Variants in QTGAL observed in about 807,000 individuals in gnomAD.
The protein encoded by QTGAL is queuosine-tRNA galactosyltransferase.
the QTGAL span, chr17:83,014,377 G>C: frequency 6.6e-6 from 10 of 1,504,770 alleles, no homozygotes; most frequent in Non-Finnish European, 9.2e-6. Context: ...TCCACCCCTA[G>C]GAAAACTCTT....
At chr17:83,022,160 G>A in the QTGAL span, among the ~76,000 whole-genome samples, 1 of 152,212 alleles carries the variant, frequency 6.6e-6, no homozygotes, top group Non-Finnish European at 1.5e-5. Context: ...GACACAAAAA[G>A]CACAAATCTT....
chr17:82,983,596 C>T, the QTGAL span, among the ~76,000 whole-genome samples: 1 of 152,162 alleles, frequency 6.6e-6, no homozygotes. Context: ...TGGCAGGTGC[C>T]GTTCAGATGC....
At chr17:83,043,216 A>AGTGTT in the QTGAL span, among the ~76,000 whole-genome samples, 1 of 152,246 alleles carries the variant, frequency 6.6e-6, no homozygotes, top group African/African-American at 2.4e-5. Flanking sequence ...CAGCAGCAGA[A>AGTGTT]CACACATTCT....
At chr17:83,037,936 T>C in the QTGAL span, among the ~76,000 whole-genome samples, 1 of 152,146 alleles carries the variant, frequency 6.6e-6, no homozygotes, top group African/African-American at 2.4e-5. This position sits in a 1 kb window ranked among gnomAD's most constrained non-coding sequence, Gnocchi z 5.2. Flanking sequence ...TGAGGGGATC[T>C]GGTTGCCATG....
the QTGAL span, chr17:82,942,374 G>C: frequency 6.0e-3 from 9,557 of 1,603,600 alleles, 45 homozygotes; most frequent in Non-Finnish European, 7.3e-3. Context: ...AGGGCCCAGA[G>C]GGGTGAGGGT....
the QTGAL span, among the ~76,000 whole-genome samples, chr17:82,975,110 G>A: frequency 5.1e-5 from 4 of 78,826 alleles, no homozygotes; most frequent in Non-Finnish European, 9.7e-5. Context: ...TCAGGGCCCC[G>A]GGACAGAGCC....
chr17:83,024,282 G>C, the QTGAL span, among the ~76,000 whole-genome samples: 1 of 145,974 alleles, frequency 6.9e-6, no homozygotes, highest in Non-Finnish European at 1.5e-5. Context: ...CCTCCGCCCG[G>C]GGTCCTCCAG....
At chr17:83,020,249 A>C in the QTGAL span, among the ~76,000 whole-genome samples, 1 of 152,162 alleles carries the variant, frequency 6.6e-6, no homozygotes, top group Admixed American at 6.5e-5. Flanking sequence ...TCCCAGAAAG[A>C]GAGAGAGAAA....
At chr17:82,945,579 C>A in the QTGAL span, 1 of 152,164 alleles carries the variant, frequency 6.6e-6, no homozygotes, top group African/African-American at 2.4e-5. Flanking sequence ...AAGAAGAGAA[C>A]AAAATTAAGT....
chr17:82,985,310 A>G, the QTGAL span, among the ~76,000 whole-genome samples: 1 of 152,256 alleles, frequency 6.6e-6, no homozygotes, highest in African/African-American at 2.4e-5. Context: ...GACAATGAAC[A>G]TAAAACTTGA....
the QTGAL span, among the ~76,000 whole-genome samples, chr17:82,946,605 G>GT: frequency 1.5e-5 from 1 of 68,766 alleles, no homozygotes; most frequent in Non-Finnish European, 3.3e-5. Context: ...TTTTAAAAAT[G>GT]TTTTTAAAAA....
the QTGAL span, among the ~76,000 whole-genome samples, chr17:83,001,132 A>G: frequency 6.6e-6 from 1 of 152,222 alleles, no homozygotes; most frequent in African/African-American, 2.4e-5. Context: ...TACATCAACA[A>G]AGGTATACAT....
chr17:82,953,479 C>G, the QTGAL span, among the ~76,000 whole-genome samples: 1 of 152,170 alleles, frequency 6.6e-6, no homozygotes, highest in African/African-American at 2.4e-5. Context: ...AGTCGAATCC[C>G]TGAAAAGACC....
the QTGAL span, among the ~76,000 whole-genome samples, chr17:83,009,219 C>T: frequency 3.9e-5 from 6 of 152,034 alleles, no homozygotes; most frequent in Middle Eastern, 6.8e-3. Flanking sequence ...GTCAGGAGTT[C>T]GAGACCAGCC....
the QTGAL span, among the ~76,000 whole-genome samples, chr17:83,021,515 T>C: frequency 6.6e-6 from 1 of 152,140 alleles, no homozygotes; most frequent in African/African-American, 2.4e-5. Flanking sequence ...CAGAGAGAAA[T>C]TTAAGAAGGC....
At chr17:83,014,549 T>C in the QTGAL span, 1 of 1,612,278 alleles carries the variant, frequency 6.2e-7, no homozygotes, top group East Asian at 2.2e-5. Context: ...TTCCGTTTGT[T>C]TGTTTGCATT....
At chr17:83,007,854 A>G in the QTGAL span, among the ~76,000 whole-genome samples, 6 of 152,228 alleles carry the variant, frequency 3.9e-5, no homozygotes, top group African/African-American at 1.4e-4. Context: ...GCATTGGTCT[A>G]TAAACGGAGG....
chr17:82,962,259 A>C, the QTGAL span, among the ~76,000 whole-genome samples: 24 of 152,228 alleles, frequency 1.6e-4, no homozygotes, highest in Non-Finnish European at 2.9e-4. Flanking sequence ...GTCCAAAAAA[A>C]AGGCACTGTT....
chr17:83,031,180 G>A, the QTGAL span, among the ~76,000 whole-genome samples: 1 of 152,236 alleles, frequency 6.6e-6, no homozygotes, highest in African/African-American at 2.4e-5. Flanking sequence ...GTGCCAGGAG[G>A]AAACGCCGCG....
Sources: gnomAD v4.1 joint callset for allele counts (sites outside exome capture counted in the v4.1 genomes callset) on GRCh38, gnomAD v4.1.1 for gene constraint, Gnocchi (gnomAD v3.1) non-coding constraint, MANE v1.5 for transcripts, NCBI Gene and HGNC (gene_info 2026-07-23, HGNC 2026-07-21) for gene names.